Variants in WASF3 observed in about 807,000 individuals in gnomAD.
The protein encoded by WASF3 is actin-binding protein WASF3.
A neutral mutation model predicts 46.6 loss-of-function variants in WASF3; 11 were observed. That is an observed-to-expected ratio of 0.24 (90% CI 0.15 to 0.39). The LOEUF (loss-of-function observed/expected upper bound fraction) is 0.39, where lower values mean the gene tolerates loss of function less well. Among genes scored for constraint, WASF3 ranks in the 10% least tolerant of loss-of-function variants. The probability of loss-of-function intolerance (pLI) is 1.00; values close to 1 mark genes in which losing one functional copy is unlikely to be tolerated. For missense variants in WASF3, 576 were observed against 669.8 expected (o/e 0.86, Z 1.55); for synonymous variants, 242 against 259.7 (o/e 0.93, Z 0.65).
At chr13:26,628,749 A>G (rs1235291909) in intron 2 of WASF3, among the ~76,000 whole-genome samples, 2 of 152,080 alleles carry the variant, frequency 1.3e-5, no homozygotes, top group Non-Finnish European at 2.9e-5. Flanking sequence ...TGTGTGCCCC[A>G]TTTCAGACCC....
chr13:26,665,667 A>T (rs2137466919), intron 4 of WASF3, among the ~76,000 whole-genome samples: 1 of 152,308 alleles, frequency 6.6e-6, no homozygotes, highest in South Asian at 2.1e-4. Flanking sequence ...TTTAGGCTGC[A>T]GGCTTTAAAA....
At chr13:26,567,837 A>ATG (rs1411586712) in intron 1 of WASF3, among the ~76,000 whole-genome samples, 1 of 152,106 alleles carries the variant, frequency 6.6e-6, no homozygotes, top group Non-Finnish European at 1.5e-5. Context: ...ATATATATAT[A>ATG]AAGAAAGCGA....
chr13:26,587,747 A>G (rs558267331), intron 1 of WASF3, among the ~76,000 whole-genome samples: 1 of 152,362 alleles, frequency 6.6e-6, no homozygotes, highest in African/African-American at 2.4e-5. Flanking sequence ...TGAAGGGCAC[A>G]TCAGTCTGTA....
intron 2 of WASF3, chr13:26,638,397 A>T (rs1431174466): frequency 6.6e-6 from 1 of 152,232 alleles, no homozygotes; most frequent in Non-Finnish European, 1.5e-5. Context: ...AAAGCTGGAC[A>T]AACTACAGAC....
intron 1 of WASF3, among the ~76,000 whole-genome samples, chr13:26,593,858 A>G (rs945523132): frequency 6.6e-6 from 1 of 152,258 alleles, no homozygotes; most frequent in Non-Finnish European, 1.5e-5. Context: ...AGGTCATTGC[A>G]TAATAATTTA....
chr13:26,610,714 G>C (rs922885889), intron 1 of WASF3, among the ~76,000 whole-genome samples: 2 of 152,174 alleles, frequency 1.3e-5, no homozygotes, highest in African/African-American at 4.8e-5. Flanking sequence ...GCACCATTCA[G>C]AGTGTAGCCA....
At chr13:26,603,570 A>G (rs768558692) in intron 1 of WASF3, among the ~76,000 whole-genome samples, 1 of 152,144 alleles carries the variant, frequency 6.6e-6, no homozygotes, top group Non-Finnish European at 1.5e-5. Context: ...GTTCACACCT[A>G]TAATCTTGGC....
chr13:26,688,078 A>G lies in WASF3; in HGVS notation c.*2233A>G, dbSNP rs771036312. ...TTCAACTCAATTTTATGACTTGCGA[A>G]AAAGCTTTTGCCCTGTTGTGTACCA... On this transcript the variant is annotated 3_prime_UTR_variant, in exon 10 of 10. Transcript: ENST00000335327. 6 of 152,204 alleles carry G rather than the reference A, an allele frequency of 3.9e-5. No individual in the cohort carries two copies. Among genetic ancestry groups the G allele is most frequent in the African/African-American group, 1.2e-4 (5 of 41,460 alleles). The allele number at this position is 152,204 out of a possible 1,614,324, so 9.4% of individuals were successfully genotyped here. A position where few individuals can be genotyped will look rare whatever the true frequency, so the allele number is the denominator to read the frequency against.
At chr13:26,587,504 G>A (rs1441427190) in intron 1 of WASF3, among the ~76,000 whole-genome samples, 1 of 152,128 alleles carries the variant, frequency 6.6e-6, no homozygotes, top group Non-Finnish European at 1.5e-5. Flanking sequence ...AAAACAGGAT[G>A]GAGGAGTATT....
the WASF3 span, among the ~76,000 whole-genome samples, chr13:26,541,419 A>G: frequency 5.3e-5 from 8 of 152,344 alleles, no homozygotes; most frequent in African/African-American, 1.9e-4. Flanking sequence ...ACTGAAAATG[A>G]GATAAGACTA....
intron 3 of WASF3, among the ~76,000 whole-genome samples, chr13:26,656,335 T>C (rs1306748440): frequency 6.6e-6 from 1 of 152,190 alleles, no homozygotes; most frequent in African/African-American, 2.4e-5. Context: ...TTTACCTTTC[T>C]CTTTACCTAA....
rs1271219762 is a variant in WASF3, at chr13:26,688,127, G to T, written c.*2282G>T. 2.0e-5 allele frequency: 3 copies of T among 152,160 alleles called. No homozygotes were observed. Among genetic ancestry groups the T allele is most frequent in the African/African-American group, 7.2e-5 (3 of 41,456 alleles). 9.4% of individuals were successfully genotyped at this position (152,160 alleles called of 1,614,324 possible). ...CATAACATTTAAAAGAATGGAAAAT[G>T]ACTGAAATCCAATTTAGATTATTTT... On this transcript the variant is annotated 3_prime_UTR_variant, in exon 10 of 10. Transcript: ENST00000335327.
At chr13:26,650,528 T>C (rs1327513109) in intron 3 of WASF3, among the ~76,000 whole-genome samples, 2 of 152,158 alleles carry the variant, frequency 1.3e-5, no homozygotes, top group African/African-American at 2.4e-5. Flanking sequence ...AAAAGAACTA[T>C]GATTAATATG....
At chr13:26,642,817 T>C (rs975820092) in intron 3 of WASF3, among the ~76,000 whole-genome samples, 6 of 152,230 alleles carry the variant, frequency 3.9e-5, no homozygotes, top group African/African-American at 1.4e-4. Flanking sequence ...GCCTGGCACA[T>C]AGTACCTACT....
At chr13:26,654,613 A>G (rs1055771873) in intron 3 of WASF3, among the ~76,000 whole-genome samples, 1 of 152,232 alleles carries the variant, frequency 6.6e-6, no homozygotes, top group Non-Finnish European at 1.5e-5. Flanking sequence ...TTAATAATCA[A>G]TGTCTGTTAT....
intron 3 of WASF3, among the ~76,000 whole-genome samples, chr13:26,643,150 A>G (rs1233284630): frequency 1.2e-4 from 19 of 152,080 alleles, no homozygotes; most frequent in Admixed American, 1.2e-3. Flanking sequence ...AAGTTGCACT[A>G]TTTTCCCCCA....
At chr13:26,669,006 T>G (rs1389251375) in intron 5 of WASF3, among the ~76,000 whole-genome samples, 1 of 152,136 alleles carries the variant, frequency 6.6e-6, no homozygotes, top group Non-Finnish European at 1.5e-5. Flanking sequence ...CTGCCGTTGC[T>G]AAGAAACCTC....
chr13:26,650,546 A>T (rs1052422648), intron 3 of WASF3, among the ~76,000 whole-genome samples: 8 of 152,350 alleles, frequency 5.3e-5, no homozygotes, highest in Middle Eastern at 6.8e-3. Context: ...ATGCTGAGGG[A>T]TCTAATGGAA....
chr13:26,633,347 C>T (rs571169205), intron 2 of WASF3, among the ~76,000 whole-genome samples: 18 of 152,024 alleles, frequency 1.2e-4, no homozygotes, highest in East Asian at 7.7e-4. Context: ...GGATTACAGG[C>T]ATGTGCCACC....
Sources: gnomAD v4.1 joint callset for allele counts (sites outside exome capture counted in the v4.1 genomes callset) on GRCh38, gnomAD v4.1.1 for gene constraint, MANE v1.5 for transcripts, NCBI Gene and HGNC (gene_info 2026-07-23, HGNC 2026-07-21) for gene names.